The following GPHN variants were observed in gnomAD, a reference collection of about 807,000 sequenced individuals.
The protein encoded by GPHN is gephyrin.
A neutral mutation model predicts 95.5 loss-of-function variants in GPHN; 17 were observed. The observed-to-expected ratio is 0.18, with a 90% CI of 0.12 to 0.27. The LOEUF is 0.27. Among genes scored for constraint, GPHN ranks in the 10% least tolerant of loss-of-function variants. The pLI is 1.00. For synonymous variants in GPHN, 320 were observed against 322.5 expected, an observed-to-expected ratio of 0.99 and a Z score of 0.08; for missense variants, 660 against 978.1, an observed-to-expected ratio of 0.67 and a Z score of 4.34.
intron 1 of GPHN, among the ~76,000 whole-genome samples, chr14:66,574,265 C>G (rs2060817329): frequency 6.6e-6 from 1 of 151,942 alleles, no homozygotes. Flanking sequence ...TTAACTTTAA[C>G]CATTTACTAA....
At chr14:66,970,444 G>A (rs1218735499) in intron 9 of GPHN, among the ~76,000 whole-genome samples, 1 of 151,978 alleles carries the variant, frequency 6.6e-6, no homozygotes, top group Non-Finnish European at 1.5e-5. Context: ...ATTTTCTCTG[G>A]GATGTTTTCC....
At chr14:66,636,007 T>A (rs2064077939) in intron 1 of GPHN, among the ~76,000 whole-genome samples, 1 of 152,172 alleles carries the variant, frequency 6.6e-6, no homozygotes, top group Non-Finnish European at 1.5e-5. Context: ...AAAGTGATTT[T>A]AGATCTTTTC....
intron 9 of GPHN, among the ~76,000 whole-genome samples, chr14:67,022,760 T>C (rs1205465875): frequency 6.6e-6 from 1 of 151,804 alleles, no homozygotes; most frequent in African/African-American, 2.4e-5. Flanking sequence ...TGTTGAACTA[T>C]AGAAATTAAT....
chr14:67,701,024 C>CAAAAAAAAA, the GPHN span, among the ~76,000 whole-genome samples: 1 of 67,448 alleles, frequency 1.5e-5, no homozygotes, highest in Non-Finnish European at 2.9e-5. Flanking sequence ...AATTTCATCT[C>CAAAAAAAAA]AAAAAAAAAA....
chr14:66,773,861 T>C (rs1293593974), intron 2 of GPHN, among the ~76,000 whole-genome samples: 2 of 152,174 alleles, frequency 1.3e-5, no homozygotes, highest in Non-Finnish European at 2.9e-5. Context: ...CGTGAGCCAG[T>C]GAACCTAGCC....
chr14:66,696,640 T>C (rs553464734), intron 2 of GPHN, among the ~76,000 whole-genome samples: 1 of 152,334 alleles, frequency 6.6e-6, no homozygotes, highest in Admixed American at 6.5e-5. Flanking sequence ...AGAAAAACTG[T>C]GGTCCTACAC....
At chr14:66,796,666 A>T (rs1410045170) in intron 3 of GPHN, among the ~76,000 whole-genome samples, 1 of 151,820 alleles carries the variant, frequency 6.6e-6, no homozygotes, top group Admixed American at 6.6e-5. Context: ...CTATTTTTAA[A>T]TTGAATAGAT....
intron 4 of GPHN, among the ~76,000 whole-genome samples, chr14:66,866,271 T>C (rs1482020627): frequency 1.3e-5 from 2 of 152,166 alleles, no homozygotes; most frequent in East Asian, 3.8e-4. Context: ...ACTCTTTTTT[T>C]TAACGTAGGT....
chr14:67,456,596 C>T, the GPHN span, among the ~76,000 whole-genome samples: 190 of 148,660 alleles, frequency 1.3e-3, no homozygotes, highest in African/African-American at 4.7e-3. Flanking sequence ...GAGCAAAACT[C>T]CATCTCAAAA....
At chr14:66,928,657 T>C (rs956479896) in intron 8 of GPHN, among the ~76,000 whole-genome samples, 3 of 152,174 alleles carry the variant, frequency 2.0e-5, no homozygotes, top group African/African-American at 7.2e-5. Context: ...AGGTGCTTAT[T>C]GGTATAAACT....
chr14:67,726,085 G>A, the GPHN span: 41 of 1,613,880 alleles, frequency 2.5e-5, no homozygotes, highest in Admixed American at 3.3e-5. Flanking sequence ...TCAACAATGC[G>A]GGAGTAATGA....
chr14:66,777,243 G>A (rs567103289), intron 3 of GPHN, among the ~76,000 whole-genome samples: 6 of 152,176 alleles, frequency 3.9e-5, no homozygotes, highest in East Asian at 3.9e-4. Context: ...TAAATTCCTC[G>A]ACAAATACAC....
At chr14:66,749,506 G>A (rs745560517) in intron 2 of GPHN, among the ~76,000 whole-genome samples, 3 of 151,828 alleles carry the variant, frequency 2.0e-5, no homozygotes, top group Non-Finnish European at 4.4e-5. Context: ...CCAGCCTTTG[G>A]TATTATCAGT....
chr14:66,681,603 G>C (rs146644731), intron 2 of GPHN, among the ~76,000 whole-genome samples: 1 of 152,124 alleles, frequency 6.6e-6, no homozygotes, highest in African/African-American at 2.4e-5. Context: ...ATATACATTT[G>C]AATATGTTAG....
chr14:67,359,734 G>A, the GPHN span: 5 of 1,612,812 alleles, frequency 3.1e-6, no homozygotes, highest in African/African-American at 2.7e-5. Flanking sequence ...TCCCCGGCCG[G>A]GCAACCGAGG....
At chr14:66,929,868 C>T (rs549723139) in intron 8 of GPHN, among the ~76,000 whole-genome samples, 71 of 152,174 alleles carry the variant, frequency 4.7e-4, no homozygotes, top group African/African-American at 1.6e-3. Context: ...CCCGCCACCA[C>T]GCCCGGCTAA....
At chr14:66,755,911 A>G (rs1174322184) in intron 2 of GPHN, among the ~76,000 whole-genome samples, 2 of 152,180 alleles carry the variant, frequency 1.3e-5, no homozygotes, top group African/African-American at 4.8e-5. Context: ...GAGAAGTACA[A>G]CAATCCACTT....
At chr14:67,332,958 A>G in the GPHN span, 1 of 1,601,450 alleles carries the variant, frequency 6.2e-7, no homozygotes, top group South Asian at 1.1e-5. Flanking sequence ...CTGAGGTGAA[A>G]GAAACATCCA....
In GPHN at chr14:67,128,815, A is replaced by T. The variant is rs906817751; in HGVS notation, c.1748+6438A>T. Among the ~76,000 whole-genome samples, 7 of 139,824 alleles carry T rather than the reference A, an allele frequency of 5.0e-5. No individual in the cohort carries two copies. In the South Asian group the frequency reaches 6.9e-4, roughly 14 times the overall value. The allele number at this position is 139,824 out of a possible 152,430, so 91.7% of individuals were successfully genotyped here. A position where few individuals can be genotyped will look rare whatever the true frequency, so the allele number is the denominator to read the frequency against. On this transcript the variant is annotated intron_variant, in intron 17 of 22. Coordinates refer to ENST00000478722, the MANE Select transcript of GPHN (RefSeq NM_020806.5). The stretch of plus-strand genomic sequence containing the variant: ...CCGGGCGTGGCGGTGGGCGCTTCTA[A>T]TTTTTTTTTTTTTTTTGAGACGGAG...
Sources: allele counts gnomAD v4.1 joint callset (sites outside exome capture counted in the v4.1 genomes callset), GRCh38; gene constraint gnomAD v4.1.1; transcripts MANE v1.5; gene names NCBI Gene and HGNC (gene_info 2026-07-23, HGNC 2026-07-21).